Variants in NINL observed in about 807,000 individuals in gnomAD.
NINL encodes ninein like, also known as ninein-like protein.
Under a neutral mutation model 160.3 loss-of-function variants are expected in NINL, and 153 were observed. The ratio of observed to expected loss-of-function variants is 0.95; its 90% CI spans 0.84 to 1.09. The LOEUF is 1.09. Ranked by LOEUF, NINL falls within the 50% of genes least tolerant of loss-of-function variation. NINL has a pLI of 0.00. For synonymous variants in NINL, 800 were observed against 734.8 expected (o/e 1.09, Z -1.43); for missense variants, 1,829 against 1,764.0 (o/e 1.04, Z -0.66).
At chr20:25,479,288 T>A in intron 15 of NINL, 82 bp from the exon 16 acceptor site, 1 of 1,508,224 alleles carries the variant, frequency 6.6e-7, no homozygotes. Flanking sequence ...AACACGAAGC[T>A]GCCTGGCACA....
rs182526959 is a variant in NINL at position 25,510,685 on chromosome 20, A to C, written c.506T>G (p.Phe169Cys). 3.0e-5 allele frequency: 49 copies of C among 1,613,920 alleles called. No homozygotes were observed. The highest frequency in any genetic ancestry group is 5.0e-5 in the Admixed American group (3 of 60,032). The change falls in exon 5 of 24, where the codon TTT becomes TGT. Residue 169 changes from phenylalanine to cysteine, a missense_variant. By Grantham distance (205) the Phe-to-Cys change is radical (BLOSUM62 -2). Coordinates refer to ENST00000278886, the MANE Select transcript of NINL (RefSeq NM_025176.6). Reference sequence around the variant, plus strand: ...GGCTGAGGCTTTACCTTGTGCTTCAAATAATTCATTCTGAGCTTCTTTAGT... The same window carrying C: ...GGCTGAGGCTTTACCTTGTGCTTCACATAATTCATTCTGAGCTTCTTTAGT... ...ESTKEAQNEL[F>C]EAQGQLQTWD...
intron 1 of NINL, among the ~76,000 whole-genome samples, chr20:25,541,560 A>G (rs1396578575): frequency 6.6e-6 from 1 of 152,248 alleles, no homozygotes; most frequent in Non-Finnish European, 1.5e-5. Context: ...ATAGCTATAG[A>G]TGCAAAATTT....
chr20:25,494,290 C>T (rs2063703442), intron 10 of NINL, among the ~76,000 whole-genome samples: 1 of 151,810 alleles, frequency 6.6e-6, no homozygotes, highest in South Asian at 2.1e-4. Flanking sequence ...CTCACAGCAC[C>T]CCCACTGCAC....
intron 1 of NINL, among the ~76,000 whole-genome samples, chr20:25,550,292 T>C (rs1413597048): frequency 6.6e-6 from 1 of 152,204 alleles, no homozygotes; most frequent in African/African-American, 2.4e-5. Context: ...GGAGGACCAC[T>C]TGAGCCGAGA....
chr20:25,519,303 T>C (rs146443114), intron 2 of NINL, among the ~76,000 whole-genome samples: 176 of 152,324 alleles, frequency 1.2e-3, no homozygotes, highest in African/African-American at 4.0e-3. Context: ...ATGTATTTTA[T>C]ATGTTTTAAA....
chr20:25,579,631 C>G (rs2065151317), intron 1 of NINL, among the ~76,000 whole-genome samples: 1 of 152,136 alleles, frequency 6.6e-6, no homozygotes. Flanking sequence ...TTCAAATGGC[C>G]CAGGACTCCA....
At chr20:25,462,266 G>T in intron 20 of NINL, 117 bp downstream of exon 20, 1 of 914,474 alleles carries the variant, frequency 1.1e-6, no homozygotes, top group Non-Finnish European at 1.6e-6. Context: ...AGGCATGCTT[G>T]GGAAGTCCCT....
At position 25,452,755 on chromosome 20, in the gene NINL, A is replaced by G. The variant is rs2090564325; in HGVS notation, c.*696T>C. ...CAGTGACTTTTTATATTACAGTAGT[A>G]CATTCCAATCAGCCATATGGCCATA... On this transcript the variant is annotated 3_prime_UTR_variant, in exon 24 of 24. Coordinates refer to ENST00000278886, the MANE Select transcript of NINL (RefSeq NM_025176.6). 1 of 152,650 alleles carries G rather than the reference A, an allele frequency of 6.6e-6. No homozygotes were observed. Among genetic ancestry groups the G allele is most frequent in the Non-Finnish European group, 1.5e-5 (1 of 68,044 alleles). The allele number at this position is 152,650 out of a possible 1,614,324, so 9.5% of individuals were successfully genotyped here.
At chr20:25,495,391 T>C (rs1015281246) in intron 10 of NINL, among the ~76,000 whole-genome samples, 19 of 152,276 alleles carry the variant, frequency 1.2e-4, no homozygotes, top group African/African-American at 4.3e-4. Flanking sequence ...GCATAGCTCT[T>C]CTTTGCTAGC....
intron 13 of NINL, among the ~76,000 whole-genome samples, chr20:25,484,756 G>A (rs954836895): frequency 6.6e-6 from 1 of 152,186 alleles, no homozygotes; most frequent in Non-Finnish European, 1.5e-5. Flanking sequence ...AACCATCATA[G>A]TAAAGACTGA....
At chr20:25,524,564 C>A (rs989333191) in intron 2 of NINL, among the ~76,000 whole-genome samples, 10 of 152,168 alleles carry the variant, frequency 6.6e-5, no homozygotes, top group Non-Finnish European at 1.5e-4. Context: ...CCTCAGGCCT[C>A]CTGAAAGGAA....
chr20:25,463,665 T>C (rs148002542), intron 19 of NINL, among the ~76,000 whole-genome samples: 1 of 152,250 alleles, frequency 6.6e-6, no homozygotes, highest in African/African-American at 2.4e-5. Flanking sequence ...GGGTTTGGAG[T>C]GATGTCCTCT....
At position 25,458,439 on chromosome 20, in the gene NINL, G is replaced by A. The variant is rs949703317; in HGVS notation, c.3787C>T (p.His1263Tyr). Residue 1263 changes from histidine (H) to tyrosine (Y), a missense_variant, in exon 22 of 24, where the codon CAT (histidine) becomes TAT (tyrosine). Physicochemically the swap from His to Tyr is moderately conservative, Grantham distance 83. Transcript: ENST00000278886. ...TCTCCCTGAAGGCTGAGCAGGCGAT[G>A]CAGCTCGGCCACACGGTCCTGGGGC... is the stretch of plus-strand genomic sequence containing the variant. ...LVPQDRVAEL[H>Y]RLLSLQGEQA... 10 of 1,606,154 alleles carry A rather than the reference G, an allele frequency of 6.2e-6. No individual in the cohort carries two copies. The highest frequency in any genetic ancestry group is 8.5e-6 in the Non-Finnish European group (10 of 1,179,974).
intron 2 of NINL, among the ~76,000 whole-genome samples, chr20:25,520,219 AC>A (rs2064238846): frequency 6.6e-6 from 1 of 152,198 alleles, no homozygotes; most frequent in Admixed American, 6.5e-5. Flanking sequence ...ACACTTGGAC[AC>A]ATGGCTCTTT....
chr20:25,554,550 C>T (rs185880399), intron 1 of NINL, among the ~76,000 whole-genome samples: 54 of 137,048 alleles, frequency 3.9e-4, no homozygotes, highest in African/African-American at 1.2e-3. Flanking sequence ...TTTGGGAGGC[C>T]GGGGTGGGTG....
intron 1 of NINL, among the ~76,000 whole-genome samples, chr20:25,541,660 C>T (rs191371223): frequency 1.3e-5 from 2 of 152,284 alleles, no homozygotes; most frequent in East Asian, 3.9e-4. Flanking sequence ...ATAAAATGAG[C>T]TCTTTCTATA....
chr20:25,489,239 C>A lies in NINL; in HGVS notation c.1677+5G>T. On this transcript the variant is annotated splice_donor_5th_base_variant and intron_variant, in intron 13 of 23. Coordinates refer to ENST00000278886, the MANE Select transcript of NINL (RefSeq NM_025176.6). ...GACTAAAAGGCAGACAGAGCAGGCA[C>A]GTACCCGGCACTTGAGCTCGTATTC... 1 of 1,613,990 alleles carries A rather than the reference C, an allele frequency of 6.2e-7. No homozygotes were observed. The highest frequency in any genetic ancestry group is 8.5e-7 in the Non-Finnish European group (1 of 1,179,864).
rs1224583209 is a variant in NINL, at chr20:25,482,072, T to C, written c.1706A>G (p.Gln569Arg). 1.3e-6 allele frequency: 2 copies of C among 1,598,346 alleles called. No homozygotes were observed. The highest frequency in any genetic ancestry group is 3.3e-5 in the Admixed American group (2 of 60,006). ...RDLQDRNDEL[Q>R]AELEGLWARL... ...CGCCCACAGGCCTTCCAGCTCAGCTTGCAGCTCATCGTTGCGGTCCTGCAG... is the reference window on the plus strand; with the variant it reads ...CGCCCACAGGCCTTCCAGCTCAGCTCGCAGCTCATCGTTGCGGTCCTGCAG... The change falls in exon 14 of 24, where the codon CAA (glutamine) becomes CGA (arginine). Residue 569 changes from glutamine to arginine, a missense_variant. Transcript: ENST00000278886.
chr20:25,530,589 A>T (rs1416966115), intron 1 of NINL, among the ~76,000 whole-genome samples: 3 of 151,916 alleles, frequency 2.0e-5, no homozygotes, highest in African/African-American at 7.2e-5. Context: ...TTCCCTAAGC[A>T]TCGGCCGGTT....
Sources: gnomAD v4.1 joint callset for allele counts (sites outside exome capture counted in the v4.1 genomes callset) on GRCh38, gnomAD v4.1.1 for gene constraint, MANE v1.5 for transcripts, NCBI Gene and HGNC (gene_info 2026-07-23, HGNC 2026-07-21) for gene names.